Variants in ACO1 observed in about 807,000 individuals in gnomAD.
The protein encoded by ACO1 is aconitase 1, also known as cytoplasmic aconitate hydratase.
A neutral mutation model predicts 105.1 loss-of-function variants in ACO1; 78 were observed. The observed-to-expected ratio is 0.74, with a 90% CI of 0.62 to 0.90. The LOEUF (loss-of-function observed/expected upper bound fraction) is 0.90, where lower values mean the gene tolerates loss of function less well. ACO1 is among the 40% of genes least tolerant of loss of function. The probability of loss-of-function intolerance (pLI) is 0.00; values close to 1 mark genes in which losing one functional copy is unlikely to be tolerated. For synonymous variants in ACO1, 364 were observed against 397.4 expected (o/e 0.92, Z 1.00); for missense variants, 965 against 1,111.1 (o/e 0.87, Z 1.87).
chr9:32,441,286 C>A (rs755286904), intron 19 of ACO1, among the ~76,000 whole-genome samples: 1 of 152,134 alleles, frequency 6.6e-6, no homozygotes, highest in Non-Finnish European at 1.5e-5. Flanking sequence ...GCCTCTTGAG[C>A]ATTTGCTTGC....
intron 19 of ACO1, among the ~76,000 whole-genome samples, chr9:32,444,887 C>A (rs1324434252): frequency 4.6e-5 from 7 of 152,078 alleles, no homozygotes; most frequent in Non-Finnish European, 8.8e-5. Context: ...TGGTTTTTGT[C>A]TTTGGTTCTG....
chr9:32,440,564 G>A lies in ACO1; in HGVS notation c.2347G>A (p.Ala783Thr), dbSNP rs1316576489. Residue 783 changes from alanine to threonine, a missense_variant, in exon 19 of 21, where the codon GCA (alanine) becomes ACA (threonine). Transcript: ENST00000309951. ...EYGAGSSRDW[A>T]AKGPFLLGIK... Reference sequence around the variant, plus strand: ...CGGTGCAGGCAGCTCCCGAGACTGGGCAGCTAAGGGCCCTTTCCTGCTGGT... The same window carrying A: ...CGGTGCAGGCAGCTCCCGAGACTGGACAGCTAAGGGCCCTTTCCTGCTGGT... 1.8e-5 allele frequency: 29 copies of A among 1,613,896 alleles called. No homozygotes were observed. The highest frequency in any genetic ancestry group is 2.3e-5 in the Non-Finnish European group (27 of 1,179,884).
In ACO1 at chr9:32,430,427, G is replaced by A. The variant is rs1377734523; in HGVS notation, c.1579G>A (p.Val527Ile). The A allele has an allele frequency of 6.2e-7, 1 of 1,610,280 alleles. No individual in the cohort carries two copies. Among genetic ancestry groups the A allele is most frequent in the Non-Finnish European group, 8.5e-7 (1 of 1,178,570 alleles). Residue 527 changes from valine (V) to isoleucine (I), a missense_variant, in exon 14 of 21, where the codon GTA (valine) becomes ATA (isoleucine). By Grantham distance (29) the Val-to-Ile change is conservative (BLOSUM62 3). Transcript: ENST00000309951. Reference protein sequence around the residue: ...VVEAITQGDLVAVGVLSGNRN... With the variant: ...VVEAITQGDLIAVGVLSGNRN... ...CTCTTGCCTTACTCAGGGAGACCTT[G>A]TAGCTGTTGGAGTACTATCTGGAAA...
rs1162227317 is a variant in ACO1, at chr9:32,434,616, G to A, written c.2014G>A (p.Gly672Arg). 1 of 1,614,034 alleles carries A rather than the reference G, an allele frequency of 6.2e-7. No individual in the cohort carries two copies. The highest frequency in any genetic ancestry group is 8.5e-7 in the Non-Finnish European group (1 of 1,179,966). ...GGATGCCTATGTGCTGCTAAATTTGGGAGATTCGGTAACAACTGACCACAT... is the reference window on the plus strand; with the variant it reads ...GGATGCCTATGTGCTGCTAAATTTGAGAGATTCGGTAACAACTGACCACAT... ...IVDAYVLLNL[G>R]DSVTTDHISP... Residue 672 changes from glycine (G) to arginine (R), a missense_variant, in exon 17 of 21, where the codon GGA becomes AGA. Transcript: ENST00000309951.
At chr9:32,435,941 T>C (rs1309945334) in intron 17 of ACO1, 2 of 505,528 alleles carry the variant, frequency 4.0e-6, no homozygotes, top group Non-Finnish European at 7.6e-6. Context: ...TGAAGCTTTA[T>C]AGGCTACCCT....
intron 17 of ACO1, 58 bp from the exon 18 acceptor site, chr9:32,436,192 C>T (rs1822356062): frequency 6.2e-7 from 1 of 1,607,940 alleles, no homozygotes. Flanking sequence ...TTGGTGTAAG[C>T]TAAGGTTAAT....
rs1371641364 is a variant in ACO1 at position 32,451,845 on chromosome 9, CT to C, written c.*1735del. The C allele has an allele frequency of 6.6e-6, 1 of 151,984 alleles. No homozygotes were observed. Among genetic ancestry groups the C allele is most frequent in the Non-Finnish European group, 1.5e-5 (1 of 67,998 alleles). The allele number at this position is 151,984 out of a possible 1,614,324, so 9.4% of individuals were successfully genotyped here. On this transcript the variant is annotated 3_prime_UTR_variant, in exon 21 of 21. Transcript: ENST00000309951. ...TGGGAGGCCGAGGTGGGTAGATCAC[CT>C]GAGGTCAGGAGTTCTAGACCAGCCT... is the stretch of plus-strand genomic sequence containing the variant.
At chr9:32,448,681 G>A (rs1217859977) in intron 19 of ACO1, among the ~76,000 whole-genome samples, 1 of 152,178 alleles carries the variant, frequency 6.6e-6, no homozygotes, top group East Asian at 1.9e-4. Flanking sequence ...TCCATGGGCT[G>A]CACCCACTGT....
chr9:32,445,560 C>T (rs1281053370), intron 19 of ACO1: 1 of 295,184 alleles, frequency 3.4e-6, no homozygotes, highest in South Asian at 2.7e-5. Flanking sequence ...AAAAAACCAG[C>T]TCCTGGATTC....
At chr9:32,422,219 AT>A (rs1379265260) in intron 8 of ACO1, among the ~76,000 whole-genome samples, 1 of 152,196 alleles carries the variant, frequency 6.6e-6, no homozygotes, top group Non-Finnish European at 1.5e-5. Flanking sequence ...CTTCTTGGTA[AT>A]CCAGTGCCAA....
chr9:32,437,466 G>C (rs1306099677), intron 18 of ACO1, among the ~76,000 whole-genome samples: 2 of 152,176 alleles, frequency 1.3e-5, no homozygotes, highest in East Asian at 3.8e-4. Flanking sequence ...GGATAGCAGA[G>C]GTTACAGAAT....
At chr9:32,435,641 C>T (rs1002676504) in intron 17 of ACO1, among the ~76,000 whole-genome samples, 1 of 152,112 alleles carries the variant, frequency 6.6e-6, no homozygotes, top group African/African-American at 2.4e-5. Flanking sequence ...TCACTGAGGC[C>T]CCACAGACAA....
chr9:32,421,106 C>A, intron 8 of ACO1, 79 bp downstream of exon 8: 1 of 1,459,702 alleles, frequency 6.9e-7, no homozygotes, highest in South Asian at 1.2e-5. Flanking sequence ...CTGCCTTCTG[C>A]CTCTACCCAA....
intron 2 of ACO1, among the ~76,000 whole-genome samples, chr9:32,406,924 C>T (rs1012412677): frequency 6.6e-6 from 1 of 152,210 alleles, no homozygotes; most frequent in African/African-American, 2.4e-5. Flanking sequence ...GCTGGGACTA[C>T]AGGCACACGC....
chr9:32,449,702 A>T (rs1822712713), intron 20 of ACO1, among the ~76,000 whole-genome samples: 1 of 152,214 alleles, frequency 6.6e-6, no homozygotes, highest in Non-Finnish European at 1.5e-5. Flanking sequence ...GATGTCATTA[A>T]TAGCTACTGC....
chr9:32,396,616 A>T (rs1325608344), intron 1 of ACO1, among the ~76,000 whole-genome samples: 2 of 152,144 alleles, frequency 1.3e-5, no homozygotes, highest in Non-Finnish European at 2.9e-5. Context: ...TTCTTTGATC[A>T]CTGACACTCC....
rs146168465 is a variant in ACO1 at position 32,434,592 on chromosome 9, G to C, written c.1990G>C (p.Asp664His). The C allele has an allele frequency of 6.2e-7, 1 of 1,614,150 alleles. No individual in the cohort carries two copies. Among genetic ancestry groups the C allele is most frequent in the Non-Finnish European group, 8.5e-7 (1 of 1,179,994 alleles). Residue 664 changes from aspartate to histidine, a missense_variant, in exon 17 of 21, where the codon GAT becomes CAT. Coordinates refer to ENST00000309951, the MANE Select transcript of ACO1 (RefSeq NM_002197.3). Reference sequence around the variant, plus strand: ...TCTTCAGCCCCCTAAATCTATAGTGGATGCCTATGTGCTGCTAAATTTGGG... The same window carrying C: ...TCTTCAGCCCCCTAAATCTATAGTGCATGCCTATGTGCTGCTAAATTTGGG... ...LDLQPPKSIV[D>H]AYVLLNLGDS... is the part of the protein sequence containing the mutation.
intron 1 of ACO1, among the ~76,000 whole-genome samples, chr9:32,393,302 G>T (rs568743749): frequency 6.6e-6 from 1 of 152,120 alleles, no homozygotes; most frequent in Admixed American, 6.5e-5. Context: ...GGCTGCTTTG[G>T]GGGTGGCTGT....
At chr9:32,385,476 A>G (rs1821139583) in intron 1 of ACO1, among the ~76,000 whole-genome samples, 1 of 152,244 alleles carries the variant, frequency 6.6e-6, no homozygotes, top group African/African-American at 2.4e-5. Flanking sequence ...CATATTTATA[A>G]TATGTAAGTA....
Sources: allele counts gnomAD v4.1 joint callset (sites outside exome capture counted in the v4.1 genomes callset), GRCh38; gene constraint gnomAD v4.1.1; transcripts MANE v1.5; gene names NCBI Gene and HGNC (gene_info 2026-07-23, HGNC 2026-07-21).